STXBP5L: variants seen among roughly 807,000 people sequenced by gnomAD.
The protein encoded by STXBP5L is syntaxin binding protein 5L.
STXBP5L carries 65 observed loss-of-function variants against 144.5 expected under a neutral mutation model. The observed-to-expected ratio is 0.45, with a 90% CI of 0.37 to 0.55. STXBP5L has a LOEUF of 0.55. Ranked by LOEUF, STXBP5L falls within the 20% of genes least tolerant of loss-of-function variation. The pLI, the probability that STXBP5L is intolerant of heterozygous loss-of-function variation, is 0.00. For synonymous variants in STXBP5L, 505 were observed against 469.6 expected (o/e 1.08, Z -0.97); for missense variants, 1,298 against 1,405.5 (o/e 0.92, Z 1.22).
intron 2 of STXBP5L, among the ~76,000 whole-genome samples, chr3:120,943,400 G>A (rs927023353): frequency 2.0e-5 from 3 of 151,562 alleles, no homozygotes; most frequent in African/African-American, 7.3e-5. Context: ...TAAGCAGTTA[G>A]AAGTTCTCAC....
In STXBP5L at chr3:121,352,083, G is replaced by A. The variant is rs919829695; in HGVS notation, c.2177-26633G>A. Reference sequence around the variant, plus strand: ...CCAGTACCATGCTGTTTTGTTTACTGTAGCCTTGTAGTATAGTTTGAAGTC... The same window carrying A: ...CCAGTACCATGCTGTTTTGTTTACTATAGCCTTGTAGTATAGTTTGAAGTC... On this transcript the variant is annotated intron_variant, in intron 20 of 26. Transcript: ENST00000471454. 2.6e-5 allele frequency among the ~76,000 whole-genome samples: 4 copies of A among 152,100 alleles called. 1 individual carries two copies. The highest frequency in any genetic ancestry group is 9.7e-5 in the African/African-American group (4 of 41,376).
At chr3:121,300,509 G>C (rs2051846675) in intron 19 of STXBP5L, among the ~76,000 whole-genome samples, 1 of 152,048 alleles carries the variant, frequency 6.6e-6, no homozygotes, top group Non-Finnish European at 1.5e-5. Context: ...GAAGTATACA[G>C]AATTATACTG....
chr3:121,313,247 C>T (rs1465798486), intron 19 of STXBP5L, among the ~76,000 whole-genome samples: 3 of 95,968 alleles, frequency 3.1e-5, no homozygotes, highest in African/African-American at 4.3e-5. Context: ...CCGGACGGGG[C>T]GGCTGGCCGG....
chr3:121,024,266 A>T (rs890055390), intron 3 of STXBP5L, among the ~76,000 whole-genome samples: 12 of 152,162 alleles, frequency 7.9e-5, no homozygotes, highest in African/African-American at 2.9e-4. Context: ...ATTTCTGAAC[A>T]GATATCACCA....
chr3:121,227,765 A>G (rs2049166680), intron 11 of STXBP5L, among the ~76,000 whole-genome samples: 1 of 152,304 alleles, frequency 6.6e-6, no homozygotes, highest in East Asian at 1.9e-4. Flanking sequence ...ATCATTTAAC[A>G]TAATAATCAT....
At chr3:121,197,905 T>C (rs1302366366) in intron 9 of STXBP5L, among the ~76,000 whole-genome samples, 1 of 152,252 alleles carries the variant, frequency 6.6e-6, no homozygotes, top group Non-Finnish European at 1.5e-5. Context: ...CTGATGGACA[T>C]TTGGGTTGGT....
At chr3:120,954,422 G>A (rs925056245) in intron 2 of STXBP5L, among the ~76,000 whole-genome samples, 3 of 151,996 alleles carry the variant, frequency 2.0e-5, no homozygotes, top group Admixed American at 6.6e-5. Context: ...TTATAAACTT[G>A]TGTATGGCTT....
At chr3:121,340,163 G>T (rs2044655429) in intron 20 of STXBP5L, among the ~76,000 whole-genome samples, 1 of 152,104 alleles carries the variant, frequency 6.6e-6, no homozygotes, top group Non-Finnish European at 1.5e-5. Context: ...GTACTACAAT[G>T]CTGTAGTAAC....
intron 9 of STXBP5L, among the ~76,000 whole-genome samples, chr3:121,185,046 G>T (rs1341580750): frequency 6.6e-6 from 1 of 152,140 alleles, no homozygotes; most frequent in African/African-American, 2.4e-5. Context: ...CTTTACAAGA[G>T]CTCCTGAAAG....
chr3:121,149,971 A>T (rs558261225), intron 7 of STXBP5L, among the ~76,000 whole-genome samples: 1 of 152,056 alleles, frequency 6.6e-6, no homozygotes, highest in South Asian at 2.1e-4. Context: ...TTTCCTCTTA[A>T]GATTCATCTG....
intron 5 of STXBP5L, among the ~76,000 whole-genome samples, chr3:121,070,955 G>C (rs986455521): frequency 6.6e-6 from 1 of 152,114 alleles, no homozygotes; most frequent in Admixed American, 6.5e-5. Flanking sequence ...CATAGTTGGG[G>C]CTGCTCATTT....
In STXBP5L at chr3:121,033,546, A is replaced by C. The variant is rs558689281; in HGVS notation, c.288-8154A>C. Among the ~76,000 whole-genome samples, 397 of 139,236 alleles carry C rather than the reference A, an allele frequency of 2.9e-3. 3 individuals are homozygous for C. Among genetic ancestry groups the C allele is most frequent in the African/African-American group, 0.01 (383 of 37,300 alleles). The allele number at this position is 139,236 out of a possible 152,430, so 91.3% of individuals were successfully genotyped here. ...TGTAACTAACCTGCACAATGTGAAC[A>C]TGTACCCTAAAACTTAAAGTACAAT... On this transcript the variant is annotated intron_variant, in intron 3 of 26. Transcript: ENST00000471454.
intron 7 of STXBP5L, among the ~76,000 whole-genome samples, chr3:121,141,554 G>A (rs1174093319): frequency 6.6e-6 from 1 of 152,122 alleles, no homozygotes; most frequent in Non-Finnish European, 1.5e-5. Flanking sequence ...GATACAATTA[G>A]TAAAAATAAC....
intron 3 of STXBP5L, among the ~76,000 whole-genome samples, chr3:121,002,562 T>C (rs1223457645): frequency 2.0e-5 from 3 of 152,220 alleles, no homozygotes; most frequent in Non-Finnish European, 4.4e-5. Context: ...TTTATTTTGT[T>C]GTTGTTTTTG....
At chr3:121,031,806 TG>T (rs1946387674) in intron 3 of STXBP5L, among the ~76,000 whole-genome samples, 1 of 152,086 alleles carries the variant, frequency 6.6e-6, no homozygotes, top group Non-Finnish European at 1.5e-5. Flanking sequence ...GCATTAAGAA[TG>T]GGCAAAAATA....
At chr3:121,168,379 TAAC>T (rs569355938) in intron 9 of STXBP5L, among the ~76,000 whole-genome samples, 129 of 152,126 alleles carry the variant, frequency 8.5e-4, no homozygotes, top group Middle Eastern at 3.4e-3. Context: ...AGGTGAGTAA[TAAC>T]AAGCTCCTCT....
At chr3:121,050,194 G>T (rs896102157) in intron 5 of STXBP5L, among the ~76,000 whole-genome samples, 3 of 152,022 alleles carry the variant, frequency 2.0e-5, no homozygotes, top group African/African-American at 7.2e-5. Flanking sequence ...TGAGAGTGGT[G>T]CTTATTACCC....
At chr3:120,999,440 C>T (rs601567) in intron 3 of STXBP5L, among the ~76,000 whole-genome samples, 1 of 151,942 alleles carries the variant, frequency 6.6e-6, no homozygotes, top group African/African-American at 2.4e-5. Flanking sequence ...TTTCTCCATC[C>T]CTTTAATTTG....
At chr3:121,174,949 A>T (rs1027392929) in intron 9 of STXBP5L, among the ~76,000 whole-genome samples, 1 of 152,118 alleles carries the variant, frequency 6.6e-6, no homozygotes, top group Non-Finnish European at 1.5e-5. Flanking sequence ...AGGAAAAAAA[A>T]CCCAGACAAC....
Sources: allele counts gnomAD v4.1 joint callset (sites outside exome capture counted in the v4.1 genomes callset), GRCh38; gene constraint gnomAD v4.1.1; transcripts MANE v1.5; gene names NCBI Gene and HGNC (gene_info 2026-07-23, HGNC 2026-07-21).